CSMD1: variants seen among roughly 807,000 people sequenced by gnomAD.
The protein encoded by CSMD1 is CUB and Sushi multiple domains 1, also known as CUB and sushi domain-containing protein 1.
Under a neutral mutation model 417.5 loss-of-function variants are expected in CSMD1, and 213 were observed. The ratio of observed to expected loss-of-function variants is 0.51; its 90% CI spans 0.46 to 0.57. The LOEUF is 0.57. Among genes scored for constraint, CSMD1 ranks in the 20% least tolerant of loss-of-function variants. The pLI is 0.00. For synonymous variants in CSMD1, 2,862 were observed against 1,736.8 expected, an observed-to-expected ratio of 1.65 and a Z score of -16.11; for missense variants, 6,923 against 4,529.7, an observed-to-expected ratio of 1.53 and a Z score of -15.17.
chr8:3,769,883 T>C (rs1298041849), intron 5 of CSMD1, among the ~76,000 whole-genome samples: 1 of 152,220 alleles, frequency 6.6e-6, no homozygotes, highest in South Asian at 2.1e-4. Context: ...TCAGAAGGGA[T>C]GTAGCTCTTC....
At chr8:3,080,531 G>A (rs1380766) in intron 49 of CSMD1, among the ~76,000 whole-genome samples, 31,556 of 152,086 alleles carry the variant, frequency 0.21, 3,510 homozygotes, top group East Asian at 0.32. Context: ...AATTGGTAGC[G>A]AAACTTTTAT....
chr8:4,781,609 T>C (rs755879267), intron 1 of CSMD1, among the ~76,000 whole-genome samples: 2 of 152,362 alleles, frequency 1.3e-5, no homozygotes, highest in Non-Finnish European at 2.9e-5. Context: ...CTTTTGTCTA[T>C]TGTTGTACTT....
chr8:4,125,032 C>G (rs1488804477), intron 3 of CSMD1, among the ~76,000 whole-genome samples: 2 of 152,018 alleles, frequency 1.3e-5, no homozygotes, highest in Non-Finnish European at 2.9e-5. Context: ...TCTTGGGGTC[C>G]GCACGTTTCT....
intron 3 of CSMD1, among the ~76,000 whole-genome samples, chr8:4,371,475 A>T (rs11780709): frequency 0.21 from 31,246 of 152,194 alleles, 3,434 homozygotes; most frequent in Admixed American, 0.27. Flanking sequence ...GATAGAAAAT[A>T]TAATAAACCT....
intron 50 of CSMD1, among the ~76,000 whole-genome samples, chr8:3,030,699 G>T (rs1810287010): frequency 6.6e-6 from 1 of 151,974 alleles, no homozygotes; most frequent in South Asian, 2.1e-4. Context: ...GGGCCAGGCT[G>T]CTCTTGAACT....
intron 5 of CSMD1, among the ~76,000 whole-genome samples, chr8:3,763,970 A>G (rs936377276): frequency 2.0e-5 from 3 of 152,210 alleles, no homozygotes; most frequent in East Asian, 1.9e-4. Flanking sequence ...AACGTCCTCA[A>G]TTCCCACTCC....
chr8:3,731,343 G>C (rs1271740581), intron 6 of CSMD1, among the ~76,000 whole-genome samples: 2 of 152,166 alleles, frequency 1.3e-5, no homozygotes, highest in Non-Finnish European at 2.9e-5. Context: ...AGAGATGGAG[G>C]AATATTTCAT....
chr8:3,222,137 A>C (rs1798255389), intron 28 of CSMD1, among the ~76,000 whole-genome samples: 1 of 152,070 alleles, frequency 6.6e-6, no homozygotes, highest in Non-Finnish European at 1.5e-5. Context: ...TGGGTCGGCT[A>C]ATAAGTCATA....
intron 2 of CSMD1, among the ~76,000 whole-genome samples, chr8:4,513,726 C>G (rs1287892891): frequency 6.6e-6 from 1 of 152,190 alleles, no homozygotes; most frequent in East Asian, 1.9e-4. Flanking sequence ...GATACACACA[C>G]ATAAACTTGC....
chr8:3,448,861 G>T (rs1364346647), intron 12 of CSMD1, among the ~76,000 whole-genome samples: 1 of 152,134 alleles, frequency 6.6e-6, no homozygotes, highest in East Asian at 1.9e-4. Context: ...CACTAATTTT[G>T]GAAAACTTAC....
intron 18 of CSMD1, among the ~76,000 whole-genome samples, chr8:3,372,669 G>A (rs1429179466): frequency 6.6e-6 from 1 of 152,182 alleles, no homozygotes; most frequent in Non-Finnish European, 1.5e-5. Flanking sequence ...GAGATCTCAG[G>A]AGAACCAGGT....
intron 3 of CSMD1, among the ~76,000 whole-genome samples, chr8:4,055,643 A>G (rs1798652712): frequency 6.6e-6 from 1 of 152,146 alleles, no homozygotes. Context: ...ATATTAAAAC[A>G]GAAACTGTTT....
At chr8:4,214,719 C>G (rs184907930) in intron 3 of CSMD1, among the ~76,000 whole-genome samples, 1 of 152,208 alleles carries the variant, frequency 6.6e-6, no homozygotes, top group East Asian at 1.9e-4. Context: ...GGCAAGAGTT[C>G]ATCACAGAGA....
intron 3 of CSMD1, among the ~76,000 whole-genome samples, chr8:4,334,534 A>T (rs1159911936): frequency 6.6e-6 from 1 of 152,170 alleles, no homozygotes; most frequent in Non-Finnish European, 1.5e-5. Context: ...ATTCCTTAAA[A>T]TAAAACTCTC....
intron 7 of CSMD1, among the ~76,000 whole-genome samples, chr8:3,685,854 A>G (rs939739924): frequency 6.6e-5 from 10 of 152,160 alleles, no homozygotes; most frequent in East Asian, 1.9e-4. Context: ...TAATCACATC[A>G]TGGAGAATGG....
chr8:4,715,355 C>G (rs1254469695), intron 1 of CSMD1, among the ~76,000 whole-genome samples: 1 of 152,182 alleles, frequency 6.6e-6, no homozygotes, highest in African/African-American at 2.4e-5. Flanking sequence ...AGCAATGCTT[C>G]ATCAAAGAGC....
chr8:4,641,343 T>C (rs890612682), intron 1 of CSMD1, among the ~76,000 whole-genome samples: 3 of 152,110 alleles, frequency 2.0e-5, no homozygotes, highest in South Asian at 4.1e-4. Flanking sequence ...GAATGTTAGA[T>C]ATAGAAGAAT....
chr8:3,598,587 G>A (rs529818521), intron 8 of CSMD1, among the ~76,000 whole-genome samples: 1 of 152,108 alleles, frequency 6.6e-6, no homozygotes, highest in Non-Finnish European at 1.5e-5. Context: ...CTTTTCTGTT[G>A]TTCCTTCTTT....
chr8:4,457,958 C>G (rs1360393546), intron 2 of CSMD1, among the ~76,000 whole-genome samples: 3 of 152,116 alleles, frequency 2.0e-5, no homozygotes, highest in Non-Finnish European at 2.9e-5. Context: ...GCAGAAAAAC[C>G]CAGATGTACT....
Sources: allele counts gnomAD v4.1 joint callset (sites outside exome capture counted in the v4.1 genomes callset), GRCh38; gene constraint gnomAD v4.1.1; transcripts MANE v1.5; gene names NCBI Gene and HGNC (gene_info 2026-07-23, HGNC 2026-07-21).